Variants in C12orf43 observed in about 807,000 individuals in gnomAD.
C12orf43 encodes the protein chromosome 12 open reading frame 43, also known as protein CUSTOS.
A neutral mutation model predicts 20.6 loss-of-function variants in C12orf43; 15 were observed. That is an observed-to-expected ratio of 0.73 (90% confidence interval 0.49 to 1.12). The LOEUF is 1.12. Ranked by LOEUF, C12orf43 falls within the 50% of genes most tolerant of loss-of-function variation. The probability of loss-of-function intolerance (pLI) is 0.00; values close to 1 mark genes in which losing one functional copy is unlikely to be tolerated. For missense variants in C12orf43, 334 were observed against 344.4 expected (o/e 0.97, Z 0.24); for synonymous variants, 144 against 130.8 (o/e 1.10, Z -0.69).
chr12:121,000,752 G>A lies in C12orf43; in HGVS notation c.*3401C>T. The A allele has an allele frequency of 2.3e-6, 1 of 426,696 alleles. No individual in the cohort carries two copies. Among genetic ancestry groups the A allele is most frequent in the South Asian group, 2.1e-5 (1 of 46,798 alleles). The allele number at this position is 426,696 out of a possible 1,614,324, so 26.4% of individuals were successfully genotyped here. On this transcript the variant is annotated 3_prime_UTR_variant, in exon 6 of 6. Coordinates refer to ENST00000288757, the MANE Select transcript of C12orf43 (RefSeq NM_022895.3). The stretch of plus-strand genomic sequence containing the variant: ...CATCTACAAAGCACCTGCATTCACA[G>A]CAGCGCCTAGATTAGTGTTTGACTC...
At chr12:121,006,730 G>T in intron 3 of C12orf43, 1 of 253,896 alleles carries the variant, frequency 3.9e-6, no homozygotes, top group Non-Finnish European at 7.8e-6. Context: ...GAGGCCAGGA[G>T]ATCGAGACCA....
At position 121,001,231 on chromosome 12, in the gene C12orf43, G is replaced by T. The variant is rs758414199; in HGVS notation, c.*2922C>A. On this transcript the variant is annotated 3_prime_UTR_variant, in exon 6 of 6. Coordinates refer to ENST00000288757, the MANE Select transcript of C12orf43 (RefSeq NM_022895.3). The stretch of plus-strand genomic sequence containing the variant: ...GCCCTGGGGCCTGTACTGCCTGCTT[G>T]GGGGGTGATGAGGGCAGCAGCCAGC... 6 of 1,610,100 alleles carry T rather than the reference G, an allele frequency of 3.7e-6. No individual in the cohort carries two copies. The highest frequency in any genetic ancestry group is 1.7e-5 in the Admixed American group (1 of 59,756).
intron 2 of C12orf43, 36 bp from the exon 3 acceptor site, chr12:121,010,962 G>T: frequency 2.5e-6 from 4 of 1,609,276 alleles, no homozygotes; most frequent in Non-Finnish European, 3.4e-6. Context: ...CTTCCTGCCC[G>T]CTCAGAAGCT....
rs559489365 is a variant in C12orf43 at position 121,004,463 on chromosome 12, C to G, written c.479G>C (p.Arg160Pro). 1.2e-6 allele frequency: 2 copies of G among 1,608,874 alleles called. No individual in the cohort carries two copies. Among genetic ancestry groups the G allele is most frequent in the Non-Finnish European group, 1.7e-6 (2 of 1,177,994 alleles). Residue 160 changes from arginine (R) to proline (P), a missense_variant, in exon 6 of 6, where the codon CGG becomes CCG. Transcript: ENST00000288757. The surrounding 1 kb of genome is among the most constrained non-coding windows in gnomAD (Gnocchi z 5.6). ...SSEDSDEEWR[R>P]CREAAVSASD... ...CGCCGACACAGCTGCCTCCCGGCAC[C>G]GCCGCCACTCCTCGTCACTGTCCTC...
At chr12:121,012,379 CT>C (rs1868450719) in intron 1 of C12orf43, 1 of 702,158 alleles carries the variant, frequency 1.4e-6, no homozygotes, top group Non-Finnish European at 2.6e-6. Flanking sequence ...AGGACCTGGA[CT>C]TTGAGGAGGA....
Position 121,004,998 on chromosome 12 carries a change from C to A in C12orf43, c.452+5G>T. The A allele has an allele frequency of 6.5e-7, 1 of 1,532,760 alleles. No individual in the cohort carries two copies. The highest frequency in any genetic ancestry group is 1.3e-5 in the South Asian group (1 of 79,528). 94.9% of individuals were successfully genotyped at this position (1,532,760 alleles called of 1,614,324 possible). On this transcript the variant is annotated splice_donor_5th_base_variant and intron_variant, in intron 5 of 5. Transcript: ENST00000288757. This position sits in a 1 kb window ranked among gnomAD's most constrained non-coding sequence, Gnocchi z 5.6. ...GGGGACGTGAGGAGAGGTGTGAGTTCTCACCTGGAGCTGGAGGGCTGTCGC... is the reference window on the plus strand; with the variant it reads ...GGGGACGTGAGGAGAGGTGTGAGTTATCACCTGGAGCTGGAGGGCTGTCGC...
intron 1 of C12orf43, among the ~76,000 whole-genome samples, chr12:121,014,593 G>A (rs1868717697): frequency 7.4e-6 from 1 of 134,842 alleles, no homozygotes; most frequent in Non-Finnish European, 1.5e-5. Context: ...TCGTGCCATT[G>A]CACTGCAGCC....
At position 121,004,010 on chromosome 12, in the gene C12orf43, A is replaced by G. The variant is rs766329135; in HGVS notation, c.*143T>C. On this transcript the variant is annotated 3_prime_UTR_variant, in exon 6 of 6. Coordinates refer to ENST00000288757, the MANE Select transcript of C12orf43 (RefSeq NM_022895.3). The surrounding 1 kb of genome is among the most constrained non-coding windows in gnomAD (Gnocchi z 5.6). ...AACTCTCGAGCAAGCCTTCATCACC[A>G]TCAGGGTCTCATGGGCAGTCTGGGT... 4 of 928,744 alleles carry G rather than the reference A, an allele frequency of 4.3e-6. No individual in the cohort carries two copies. Among genetic ancestry groups the G allele is most frequent in the Non-Finnish European group, 3.4e-6 (2 of 584,140 alleles). The allele number at this position is 928,744 out of a possible 1,614,324, so 57.5% of individuals were successfully genotyped here.
Position 121,001,426 on chromosome 12 carries a change from C to A in C12orf43, c.*2727G>T. On this transcript the variant is annotated 3_prime_UTR_variant, in exon 6 of 6. Coordinates refer to ENST00000288757, the MANE Select transcript of C12orf43 (RefSeq NM_022895.3). ...GGGTCGTGGAGAGCTAGGAGCAAAGCCTGTTCATGGCAGATGTAGGAGGGA... is the reference window on the plus strand; with the variant it reads ...GGGTCGTGGAGAGCTAGGAGCAAAGACTGTTCATGGCAGATGTAGGAGGGA... The A allele has an allele frequency of 1.8e-6, 1 of 567,206 alleles. No homozygotes were observed. The allele number at this position is 567,206 out of a possible 1,614,324, so 35.1% of individuals were successfully genotyped here.
chr12:121,003,905 C>T lies in C12orf43; in HGVS notation c.*248G>A, dbSNP rs543614459. 4.5e-5 allele frequency: 26 copies of T among 576,492 alleles called. No individual in the cohort carries two copies. The highest frequency in any genetic ancestry group is 6.8e-5 in the Non-Finnish European group (22 of 322,304). 35.7% of individuals were successfully genotyped at this position (576,492 alleles called of 1,614,324 possible). On this transcript the variant is annotated 3_prime_UTR_variant, in exon 6 of 6. Transcript: ENST00000288757. ...GTCATGAAATGTTCTGGAACCACAG[C>T]GCCCCCGCCAGCCCTCCGTGGGAGC...
At chr12:121,008,964 T>C (rs1034905745) in intron 3 of C12orf43, among the ~76,000 whole-genome samples, 1 of 152,236 alleles carries the variant, frequency 6.6e-6, no homozygotes, top group South Asian at 2.1e-4. Flanking sequence ...CACAGGTCTC[T>C]TCACTACAGG....
chr12:121,006,515 G>T, intron 3 of C12orf43, 121 bp from the exon 4 acceptor site: 1 of 916,868 alleles, frequency 1.1e-6, no homozygotes, highest in Non-Finnish European at 1.8e-6. Context: ...AAAGCGTGCT[G>T]GCCTAGTAAG....
At chr12:121,006,441 C>T (rs772747483) in intron 3 of C12orf43, 47 bp from the exon 4 acceptor site, 4 of 1,570,036 alleles carry the variant, frequency 2.5e-6, no homozygotes, top group Middle Eastern at 1.7e-4. Context: ...TTTTGGATAA[C>T]GACAAAAACA....
Position 121,005,151 on chromosome 12 carries a change from AAAAAT to A in C12orf43, c.362-63_362-59del, listed in dbSNP as rs1156604057. ...CAAAACAAAACAAAAAGAAACATAA[AAAAAT>A]AAAAAATAAAGAAACAAAAAAGAAA... is the stretch of plus-strand genomic sequence containing the variant. On this transcript the variant is annotated intron_variant, in intron 4 of 5. Coordinates refer to ENST00000288757, the MANE Select transcript of C12orf43 (RefSeq NM_022895.3). The surrounding 1 kb of genome is among the most constrained non-coding windows in gnomAD (Gnocchi z 5.6). 11 of 890,428 alleles carry A rather than the reference AAAAAT, an allele frequency of 1.2e-5. No homozygotes were observed. The highest frequency in any genetic ancestry group is 1.1e-4 in the South Asian group (2 of 18,764). The allele number at this position is 890,428 out of a possible 1,614,324, so 55.2% of individuals were successfully genotyped here. A position where few individuals can be genotyped will look rare whatever the true frequency, so the allele number is the denominator to read the frequency against.
Position 121,004,170 on chromosome 12 carries a change from C to T in C12orf43, c.772G>A (p.Ala258Thr). ...GGCTGGGTTCAGTTTGCAGGTATAG[C>T]TGTAGCACTCTTTGCTGGTGGGAAT... ...SPFPPAKSAT[A>T]IPAN Residue 258 changes from alanine (A) to threonine (T), a missense_variant, in exon 6 of 6, where the codon GCT becomes ACT. By Grantham distance (58) the Ala-to-Thr change is moderately conservative. Transcript: ENST00000288757. The surrounding 1 kb of genome is among the most constrained non-coding windows in gnomAD (Gnocchi z 5.6). 1 of 1,614,208 alleles carries T rather than the reference C, an allele frequency of 6.2e-7. No individual in the cohort carries two copies. Among genetic ancestry groups the T allele is most frequent in the Non-Finnish European group, 8.5e-7 (1 of 1,180,040 alleles).
chr12:121,008,456 T>C (rs1878193379), intron 3 of C12orf43, among the ~76,000 whole-genome samples: 1 of 152,174 alleles, frequency 6.6e-6, no homozygotes, highest in South Asian at 2.1e-4. Context: ...TTAGATTTCT[T>C]TGGAGAAACA....
chr12:121,000,782 TAGCCA>T lies in C12orf43; in HGVS notation c.*3366_*3370del. 2.1e-6 allele frequency: 1 copy of T among 479,044 alleles called. No individual in the cohort carries two copies. Among genetic ancestry groups the T allele is most frequent in the East Asian group, 3.9e-5 (1 of 25,906 alleles). The allele number at this position is 479,044 out of a possible 1,614,324, so 29.7% of individuals were successfully genotyped here. On this transcript the variant is annotated 3_prime_UTR_variant, in exon 6 of 6. Transcript: ENST00000288757. The stretch of plus-strand genomic sequence containing the variant: ...GCCTAGATTAGTGTTTGACTCAGCC[TAGCCA>T]AGCCAACACGTACAACTACCTACCT...
At chr12:121,016,021 G>T (rs545207158) in intron 1 of C12orf43, among the ~76,000 whole-genome samples, 1 of 152,152 alleles carries the variant, frequency 6.6e-6, no homozygotes, top group Non-Finnish European at 1.5e-5. Flanking sequence ...CTGGGTGCGA[G>T]AATACCGGGA....
intron 3 of C12orf43, among the ~76,000 whole-genome samples, chr12:121,008,351 T>C (rs577908601): frequency 4.6e-4 from 70 of 152,276 alleles, no homozygotes; most frequent in Non-Finnish European, 8.7e-4. Context: ...GCCAGGCTGG[T>C]CTCGAACTCC....
Sources: allele counts gnomAD v4.1 joint callset (sites outside exome capture counted in the v4.1 genomes callset), GRCh38; gene constraint gnomAD v4.1.1; non-coding constraint Gnocchi (gnomAD v3.1); transcripts MANE v1.5; gene names NCBI Gene and HGNC (gene_info 2026-07-23, HGNC 2026-07-21).